The following MAP2K1 variants were observed in gnomAD, a reference collection of about 807,000 sequenced individuals.
The protein encoded by MAP2K1 is mitogen-activated protein kinase kinase 1.
A neutral mutation model predicts 46.3 loss-of-function variants in MAP2K1; 16 were observed. The observed-to-expected ratio is 0.35, with a 90% confidence interval of 0.23 to 0.52. The LOEUF (loss-of-function observed/expected upper bound fraction) is 0.52. Among genes scored for constraint, MAP2K1 ranks in the 20% least tolerant of loss-of-function variants. The pLI is 0.94. For synonymous variants in MAP2K1, 183 were observed against 185.6 expected (o/e 0.99, Z 0.11); for missense variants, 263 against 497.1 (o/e 0.53, Z 4.48).
At chr15:66,472,376 G>A (rs144932308) in intron 5 of MAP2K1, among the ~76,000 whole-genome samples, 3 of 151,988 alleles carry the variant, frequency 2.0e-5, no homozygotes, top group African/African-American at 4.8e-5. Context: ...TTCTTCTCTC[G>A]GGCCAGCTGT....
chr15:66,467,546 T>A (rs1020864806), intron 5 of MAP2K1, among the ~76,000 whole-genome samples: 1 of 152,178 alleles, frequency 6.6e-6, no homozygotes, highest in African/African-American at 2.4e-5. Context: ...TCAGTCTCTT[T>A]CAATATTTAC....
At chr15:66,476,283 A>G (rs1402222199) in intron 5 of MAP2K1, among the ~76,000 whole-genome samples, 1 of 152,190 alleles carries the variant, frequency 6.6e-6, no homozygotes, top group Non-Finnish European at 1.5e-5. Flanking sequence ...TCAGTTATCA[A>G]AGGATCAGAA....
intron 1 of MAP2K1, among the ~76,000 whole-genome samples, chr15:66,394,459 C>CTTTTT (rs34599278): frequency 2.4e-5 from 3 of 125,480 alleles, no homozygotes; most frequent in African/African-American, 2.9e-5. Context: ...TAACCAGGAA[C>CTTTTT]TTTTTTTTTT....
rs36047146 is a variant in MAP2K1 at position 66,486,937 on chromosome 15, G to C, written c.896-291G>C. Among the ~76,000 whole-genome samples, 8,555 of 152,240 alleles carry C rather than the reference G, an allele frequency of 0.056. 345 individuals carry two copies. Among genetic ancestry groups the C allele is most frequent in the Middle Eastern group, 0.11 (32 of 294 alleles). On this transcript the variant is annotated intron_variant, in intron 7 of 10. Transcript: ENST00000307102. ...TTTGTGCCTCTCTCAATAGAAGGAA[G>C]GGGGAAAGGACAGACATAATTATTA...
intron 1 of MAP2K1, among the ~76,000 whole-genome samples, chr15:66,424,900 C>T (rs556078499): frequency 4.8e-4 from 71 of 146,578 alleles, no homozygotes; most frequent in Non-Finnish European, 7.0e-4. Flanking sequence ...TGGGTTCAAG[C>T]GATTCTCCCG....
chr15:66,413,039 G>A (rs2093415260), intron 1 of MAP2K1, among the ~76,000 whole-genome samples: 1 of 152,050 alleles, frequency 6.6e-6, no homozygotes. Context: ...GGGACTACAG[G>A]TGCTCGCCAC....
chr15:66,414,946 C>T, intron 1 of MAP2K1: 1 of 417,338 alleles, frequency 2.4e-6, no homozygotes, highest in South Asian at 1.8e-5. Flanking sequence ...GTGGTACTTG[C>T]ATAGCCACTT....
intron 1 of MAP2K1, among the ~76,000 whole-genome samples, chr15:66,391,099 C>T (rs2093355243): frequency 6.7e-6 from 1 of 150,368 alleles, no homozygotes; most frequent in Non-Finnish European, 1.5e-5. Context: ...GTATGTTGCC[C>T]AGGCTGGTTC....
intron 1 of MAP2K1, among the ~76,000 whole-genome samples, chr15:66,398,526 C>T (rs1427670703): frequency 6.6e-6 from 1 of 151,932 alleles, no homozygotes; most frequent in African/African-American, 2.4e-5. Flanking sequence ...GTGGCTCACA[C>T]CTGTAATCTC....
chr15:66,437,567 G>A (rs912585839), intron 3 of MAP2K1, among the ~76,000 whole-genome samples: 1 of 152,174 alleles, frequency 6.6e-6, no homozygotes, highest in African/African-American at 2.4e-5. Context: ...TGGCTGTTGT[G>A]CTTTCAGTCC....
chr15:66,490,147 CTG>C (rs1893199425), intron 10 of MAP2K1: 1 of 509,212 alleles, frequency 2.0e-6, no homozygotes, highest in African/African-American at 1.9e-5. Flanking sequence ...CTAAGTAATA[CTG>C]TAAATATCTG....
chr15:66,412,589 G>C (rs917671613), intron 1 of MAP2K1, among the ~76,000 whole-genome samples: 23 of 152,116 alleles, frequency 1.5e-4, no homozygotes, highest in African/African-American at 5.6e-4. Context: ...TTGGTAATTT[G>C]GCCCAAAGAC....
At chr15:66,431,664 A>G (rs2093475315) in intron 1 of MAP2K1, among the ~76,000 whole-genome samples, 1 of 152,144 alleles carries the variant, frequency 6.6e-6, no homozygotes, top group Non-Finnish European at 1.5e-5. Flanking sequence ...TGTTACTTCT[A>G]TTTTACAGAA....
intron 1 of MAP2K1, among the ~76,000 whole-genome samples, chr15:66,390,787 C>A (rs967201929): frequency 1.3e-5 from 2 of 152,074 alleles, no homozygotes; most frequent in Non-Finnish European, 2.9e-5. Flanking sequence ...GTTGTCCCCA[C>A]CACCCCCTCC....
chr15:66,396,226 G>A (rs752093047), intron 1 of MAP2K1, among the ~76,000 whole-genome samples: 4 of 151,922 alleles, frequency 2.6e-5, no homozygotes, highest in African/African-American at 7.3e-5. Flanking sequence ...GTCGTGATCC[G>A]CCCTCCTCGG....
At chr15:66,407,143 G>C (rs2093399503) in intron 1 of MAP2K1, among the ~76,000 whole-genome samples, 1 of 152,126 alleles carries the variant, frequency 6.6e-6, no homozygotes, top group African/African-American at 2.4e-5. Flanking sequence ...TGTAGTATAG[G>C]GTCTAACTTC....
At chr15:66,489,549 G>C (rs1282057075) in intron 9 of MAP2K1, 169 bp from the exon 10 acceptor site, 2 of 726,406 alleles carry the variant, frequency 2.8e-6, no homozygotes, top group Admixed American at 2.1e-5. Flanking sequence ...AACTCAGCAA[G>C]AATGTATTAA....
At chr15:66,442,570 A>G (rs2093507363) in intron 3 of MAP2K1, among the ~76,000 whole-genome samples, 1 of 152,104 alleles carries the variant, frequency 6.6e-6, no homozygotes, top group Non-Finnish European at 1.5e-5. Context: ...TGTTGGGAAA[A>G]ACTCCCAGAC....
chr15:66,393,586 G>C (rs999118431), intron 1 of MAP2K1, among the ~76,000 whole-genome samples: 4 of 152,172 alleles, frequency 2.6e-5, no homozygotes, highest in Non-Finnish European at 4.4e-5. Flanking sequence ...TCTACTTTCT[G>C]ACTCTTGGTT....
Sources: allele counts gnomAD v4.1 joint callset (sites outside exome capture counted in the v4.1 genomes callset), GRCh38; gene constraint gnomAD v4.1.1; transcripts MANE v1.5; gene names NCBI Gene and HGNC (gene_info 2026-07-23, HGNC 2026-07-21).